Variants in GYG2 observed in about 807,000 individuals in gnomAD.
GYG2 encodes the protein glycogenin 2.
A neutral mutation model predicts 29.4 loss-of-function variants in GYG2; 29 were observed. The observed-to-expected ratio is 0.99, with a 90% confidence interval of 0.74 to 1.35. GYG2 has a LOEUF of 1.35. GYG2 is among the 40% of genes most tolerant of loss of function. The probability of loss-of-function intolerance (pLI) is 0.00; values close to 1 mark genes in which losing one functional copy is unlikely to be tolerated. For synonymous variants in GYG2, 167 were observed against 172.3 expected, an observed-to-expected ratio of 0.97 and a Z score of 0.24; for missense variants, 370 against 385.7, an observed-to-expected ratio of 0.96 and a Z score of 0.34.
intron 8 of GYG2, among the ~76,000 whole-genome samples, chrX:2,863,417 C>G (rs2088222192): frequency 8.9e-6 from 1 of 111,859 alleles, no homozygotes; most frequent in Non-Finnish European, 1.9e-5. Flanking sequence ...TAACAAGTTT[C>G]TCAACAGAAT....
At chrX:2,877,451 C>A in intron 10 of GYG2, 144 bp downstream of exon 10, 1 of 1,087,483 alleles carries the variant, frequency 9.2e-7, no homozygotes, top group South Asian at 2.4e-5. Flanking sequence ...CTTCCCCTGC[C>A]TCTGATTCTT....
intron 8 of GYG2, among the ~76,000 whole-genome samples, chrX:2,867,236 C>T (rs2088318498): frequency 9.0e-6 from 1 of 111,574 alleles, no homozygotes; most frequent in African/African-American, 3.3e-5. Flanking sequence ...TCTCCCATCT[C>T]AGGGACTCTG....
intron 2 of GYG2, among the ~76,000 whole-genome samples, chrX:2,837,207 T>A (rs1334609628): frequency 1.8e-5 from 2 of 111,540 alleles, no homozygotes; most frequent in Non-Finnish European, 3.8e-5. Context: ...ATGACCCAGG[T>A]CAGATGATGC....
intron 8 of GYG2, among the ~76,000 whole-genome samples, chrX:2,873,497 G>A (rs910046147): frequency 1.1e-4 from 12 of 110,299 alleles, no homozygotes; most frequent in African/African-American, 3.0e-4. Flanking sequence ...TCATCACCTC[G>A]CATAAATGCT....
intron 8 of GYG2, among the ~76,000 whole-genome samples, chrX:2,865,276 C>T (rs966160026): frequency 1.8e-5 from 2 of 111,272 alleles, no homozygotes; most frequent in Admixed American, 9.7e-5. Flanking sequence ...GCTCCAGTCC[C>T]AGCTCCAGCC....
intron 8 of GYG2, among the ~76,000 whole-genome samples, chrX:2,872,516 T>G (rs1244566033): frequency 2.7e-5 from 3 of 112,491 alleles, no homozygotes; most frequent in Non-Finnish European, 5.6e-5. Context: ...CTTCCTCGTT[T>G]AAATTCGTAA....
chrX:2,859,757 G>C (rs2088111503), intron 6 of GYG2, 86 bp from the exon 7 acceptor site: 1 of 552,000 alleles, frequency 1.8e-6, no homozygotes, highest in Middle Eastern at 4.0e-4. Context: ...GGCTGTCTTT[G>C]AGGAGCCCCA....
At chrX:2,874,548 G>A (rs2088551570) in intron 8 of GYG2, among the ~76,000 whole-genome samples, 1 of 111,814 alleles carries the variant, frequency 8.9e-6, no homozygotes, top group East Asian at 2.8e-4. Context: ...ATTTCTCATG[G>A]CTTGCCATTT....
chrX:2,861,194 G>A lies in GYG2; in HGVS notation c.838-328G>A, dbSNP rs1257170482. Among the ~76,000 whole-genome samples, 2 of 111,209 alleles carry A rather than the reference G, an allele frequency of 1.8e-5. 1 individual carries two copies. Among genetic ancestry groups the A allele is most frequent in the Non-Finnish European group, 3.8e-5 (2 of 53,099 alleles). ...AGGACTGCTGAAAATTTCTCTCACC[G>A]AGTGACACTAGCAATGGACGTTTAT... On this transcript the variant is annotated intron_variant, in intron 7 of 10. Coordinates refer to ENST00000398806, the MANE Select transcript of GYG2 (RefSeq NM_001079855.2).
intron 7 of GYG2, among the ~76,000 whole-genome samples, chrX:2,860,779 G>A (rs2088143765): frequency 2.7e-5 from 3 of 109,975 alleles, no homozygotes; most frequent in Non-Finnish European, 3.8e-5. Flanking sequence ...ACCCAGGCTG[G>A]AGTGCAGTGA....
intron 1 of GYG2, 100 bp from the exon 2 acceptor site, chrX:2,829,961 C>T (rs1319962708): frequency 2.9e-5 from 12 of 410,965 alleles, no homozygotes; most frequent in African/African-American, 2.6e-4. Context: ...AGGCAGGGGC[C>T]CCGTGGGGCG....
chrX:2,866,928 C>G (rs1469334793), intron 8 of GYG2, among the ~76,000 whole-genome samples: 1 of 111,149 alleles, frequency 9.0e-6, no homozygotes, highest in East Asian at 2.8e-4. Flanking sequence ...AAATCCCCAC[C>G]CCATCCTCAA....
At chrX:2,846,055 ATTTTTTTTTTTTTTTTTT>A (rs374480210) in intron 3 of GYG2, among the ~76,000 whole-genome samples, 5 of 38,679 alleles carry the variant, frequency 1.3e-4, no homozygotes, top group South Asian at 2.7e-3. Flanking sequence ...ATATATATAT[ATTTTTTTTTTTTTTTTTT>A]TTTTTTTTTT....
At position 2,877,334 on chromosome X, in the gene GYG2, C is replaced by G. The variant is rs759607518; in HGVS notation, c.1251+27C>G. 7 of 1,200,505 alleles carry G rather than the reference C, an allele frequency of 5.8e-6. No homozygotes were observed. In the Admixed American group the frequency reaches 1.5e-4, roughly 27 times the overall value. ...TGGTATCCAAATTCTTCCCCTTGCC[C>G]AAGGCTCCCGGTGGGGGCCATCCAC... On this transcript the variant is annotated intron_variant, in intron 10 of 10. Transcript: ENST00000398806.
intron 3 of GYG2, among the ~76,000 whole-genome samples, chrX:2,848,274 C>T (rs2087787766): frequency 9.0e-6 from 1 of 111,541 alleles, no homozygotes; most frequent in African/African-American, 3.3e-5. Context: ...TGTGGTACCT[C>T]ACGCCTGTAA....
intron 2 of GYG2, among the ~76,000 whole-genome samples, chrX:2,835,040 A>G (rs1443242444): frequency 8.9e-6 from 1 of 111,745 alleles, no homozygotes; most frequent in African/African-American, 3.3e-5. Flanking sequence ...CAGTCAATAC[A>G]TGTAAGATAC....
intron 3 of GYG2, among the ~76,000 whole-genome samples, chrX:2,845,735 G>A (rs1480810709): frequency 2.7e-4 from 28 of 103,658 alleles, no homozygotes; most frequent in South Asian, 4.1e-4. Context: ...GCATGTGTAC[G>A]TATATTTATT....
intron 3 of GYG2, among the ~76,000 whole-genome samples, chrX:2,843,993 T>C (rs1045642503): frequency 8.9e-6 from 1 of 112,062 alleles, no homozygotes; most frequent in African/African-American, 3.2e-5. Context: ...TCTTTAATTC[T>C]CAAATAAAGC....
In GYG2 at chrX:2,861,588, A is replaced by G. The variant is rs768716819; in HGVS notation, c.904A>G (p.Asn302Asp). ...SASGVGEPCENSTPSAGVPCA... is the reference protein window; with the variant it reads ...SASGVGEPCEDSTPSAGVPCA... ...CTCTGGTGTTGGAGAGCCGTGTGAAAATTCAACACCCAGTGCGGGCGTGCC... is the reference window on the plus strand; with the variant it reads ...CTCTGGTGTTGGAGAGCCGTGTGAAGATTCAACACCCAGTGCGGGCGTGCC... The change falls in exon 8 of 11, where the codon AAT becomes GAT. Residue 302 changes from asparagine to aspartate, a missense_variant. Transcript: ENST00000398806. The G allele has an allele frequency of 1.7e-6, 2 of 1,207,624 alleles. No homozygotes were observed. Among genetic ancestry groups the G allele is most frequent in the African/African-American group, 3.5e-5 (2 of 57,513 alleles).
Sources: gnomAD v4.1 joint callset for allele counts (sites outside exome capture counted in the v4.1 genomes callset) on GRCh38, gnomAD v4.1.1 for gene constraint, MANE v1.5 for transcripts, NCBI Gene and HGNC (gene_info 2026-07-23, HGNC 2026-07-21) for gene names.